The following ABCC3 variants were observed in gnomAD, a reference collection of about 807,000 sequenced individuals.
ABCC3 encodes ATP binding cassette subfamily C member 3.
A neutral mutation model predicts 165.3 loss-of-function variants in ABCC3; 121 were observed. The ratio of observed to expected loss-of-function variants is 0.73; its 90% CI spans 0.63 to 0.85. ABCC3 has a LOEUF of 0.85. Among genes scored for constraint, ABCC3 ranks in the 40% least tolerant of loss-of-function variants. The pLI is 0.00. For synonymous variants in ABCC3, 733 were observed against 810.1 expected (o/e 0.90, Z 1.62); for missense variants, 1,869 against 1,964.1 (o/e 0.95, Z 0.92).
chr17:50,683,824 G>A (rs893150074), intron 27 of ABCC3, 68 bp downstream of exon 27: 1 of 1,566,688 alleles, frequency 6.4e-7, no homozygotes, highest in Non-Finnish European at 8.6e-7. Flanking sequence ...CCCTTGTGGG[G>A]AGCTTGGGTC....
At chr17:50,635,241 A>C (rs2054168062) in intron 1 of ABCC3, 1 of 628,158 alleles carries the variant, frequency 1.6e-6, no homozygotes. Flanking sequence ...AAAGTGAGGA[A>C]GAGTGCGCGG....
In ABCC3 at chr17:50,657,121, T is replaced by C. The variant is rs1171592294; in HGVS notation, c.424T>C (p.Phe142Leu). 2 of 1,613,992 alleles carry C rather than the reference T, an allele frequency of 1.2e-6. No individual in the cohort carries two copies. Among genetic ancestry groups the C allele is most frequent in the African/African-American group, 1.3e-5 (1 of 74,898 alleles). The change falls in exon 4 of 31, where the codon TTC becomes CTC. Residue 142 changes from phenylalanine (F) to leucine (L), a missense_variant. Phe to Leu is a conservative substitution (Grantham distance 22). Transcript: ENST00000285238. ...TTCGGGGGTCCTCATTATCTTCTGG[T>C]TCCTGTGTGTGGTCTGCGCCATCGT... The part of the protein sequence containing the change: ...QSSGVLIIFW[F>L]LCVVCAIVPF...
At chr17:50,658,697 G>A (rs547426062) in intron 6 of ABCC3, among the ~76,000 whole-genome samples, 8 of 152,354 alleles carry the variant, frequency 5.3e-5, no homozygotes, top group East Asian at 3.9e-4. Flanking sequence ...GCCCAGTGCC[G>A]CCCCCAGGCT....
Position 50,691,244 on chromosome 17 carries a change from C to A in ABCC3, c.*44C>A. ...CCTCCTGGCCTTTCCTGGTTTTCAT[C>A]AGGAAGGAAATGACACCAAATATGT... On this transcript the variant is annotated 3_prime_UTR_variant, in exon 31 of 31. Transcript: ENST00000285238. 1 of 1,499,594 alleles carries A rather than the reference C, an allele frequency of 6.7e-7. No homozygotes were observed. The highest frequency in any genetic ancestry group is 1.1e-5 in the South Asian group (1 of 88,130). 92.9% of individuals were successfully genotyped at this position (1,499,594 alleles called of 1,614,324 possible).
chr17:50,687,038 G>T (rs1291443107), intron 29 of ABCC3, among the ~76,000 whole-genome samples: 2 of 152,238 alleles, frequency 1.3e-5, no homozygotes, highest in East Asian at 3.9e-4. Flanking sequence ...GTGTTCCTCT[G>T]CCCTGCCATT....
chr17:50,638,037 C>G (rs1003365012), intron 1 of ABCC3, among the ~76,000 whole-genome samples: 5 of 152,256 alleles, frequency 3.3e-5, no homozygotes, highest in African/African-American at 1.2e-4. Flanking sequence ...CCTTCTCTCT[C>G]TCACCCATAT....
chr17:50,660,883 T>C, intron 7 of ABCC3, 40 bp from the exon 8 acceptor site: 1 of 1,538,540 alleles, frequency 6.5e-7, no homozygotes, highest in Non-Finnish European at 8.8e-7. Context: ...GGAGCCCCTG[T>C]CCCCATTCCT....
chr17:50,637,877 G>A (rs1014541417), intron 1 of ABCC3, among the ~76,000 whole-genome samples: 6 of 152,208 alleles, frequency 3.9e-5, no homozygotes, highest in Non-Finnish European at 5.9e-5. Flanking sequence ...CGGGCCAGTG[G>A]CTCCCATTTC....
intron 1 of ABCC3, among the ~76,000 whole-genome samples, chr17:50,655,404 C>CAAAAAAAAA (rs58586394): frequency 5.3e-5 from 3 of 56,530 alleles, no homozygotes; most frequent in African/African-American, 7.0e-5. Context: ...GACTCTGTCT[C>CAAAAAAAAA]AAAAAAAAAA....
intron 25 of ABCC3, 117 bp downstream of exon 25, chr17:50,678,336 G>T: frequency 1.8e-6 from 2 of 1,088,100 alleles, no homozygotes; most frequent in Non-Finnish European, 2.4e-6. Flanking sequence ...CACAGGGTCT[G>T]TTCTCAAGGA....
intron 1 of ABCC3, among the ~76,000 whole-genome samples, chr17:50,638,198 C>T (rs1337170596): frequency 6.6e-6 from 1 of 152,170 alleles, no homozygotes; most frequent in Non-Finnish European, 1.5e-5. Context: ...GGATCCTCTG[C>T]CTGCAGGATT....
At position 50,635,628 on chromosome 17, in the gene ABCC3, C is replaced by G. The variant is rs764231069; in HGVS notation, c.45+647C>G. Reference sequence around the variant, plus strand: ...TGCAGGGTGTCAGGATTCCTGTAGTCCAACTCCCTTCTCACAGATGGAGAA... The same window carrying G: ...TGCAGGGTGTCAGGATTCCTGTAGTGCAACTCCCTTCTCACAGATGGAGAA... On this transcript the variant is annotated intron_variant, in intron 1 of 30. Coordinates refer to ENST00000285238, the MANE Select transcript of ABCC3 (RefSeq NM_003786.4). 1.1e-3 allele frequency: 784 copies of G among 701,638 alleles called. 4 individuals are homozygous for G. Among genetic ancestry groups the G allele is most frequent in the Non-Finnish European group, 1.7e-3 (653 of 384,336 alleles). 43.5% of individuals were successfully genotyped at this position (701,638 alleles called of 1,614,324 possible).
chr17:50,686,611 G>T (rs1011743717), intron 29 of ABCC3, among the ~76,000 whole-genome samples: 10 of 151,952 alleles, frequency 6.6e-5, no homozygotes, highest in African/African-American at 2.2e-4. Context: ...TCACCTGCTT[G>T]CTCTCAACAC....
intron 30 of ABCC3, among the ~76,000 whole-genome samples, chr17:50,690,160 G>A (rs534375323): frequency 6.6e-6 from 1 of 152,290 alleles, no homozygotes; most frequent in East Asian, 1.9e-4. Flanking sequence ...CATGCCCCAA[G>A]GCAGGAGGGT....
intron 1 of ABCC3, among the ~76,000 whole-genome samples, chr17:50,651,455 G>T (rs1268948771): frequency 6.6e-6 from 1 of 152,194 alleles, no homozygotes; most frequent in African/African-American, 2.4e-5. Flanking sequence ...GAGCGTGGTG[G>T]CTCACGCCTG....
chr17:50,673,986 C>CTTTCTTTCTTTCTTTCTT (rs1567835597), intron 19 of ABCC3, among the ~76,000 whole-genome samples: 211 of 11,318 alleles, frequency 0.019, 63 homozygotes, highest in Middle Eastern at 0.042. Flanking sequence ...CTTTCTCTCT[C>CTTTCTTTCTTTCTTTCTT]TCTCTCTCTC....
chr17:50,640,590 C>T (rs112434283), intron 1 of ABCC3, among the ~76,000 whole-genome samples: 91 of 152,350 alleles, frequency 6.0e-4, no homozygotes, highest in African/African-American at 2.1e-3. Flanking sequence ...GTGATCTCAG[C>T]TCACTGCAAC....
chr17:50,669,130 T>G lies in ABCC3; in HGVS notation c.1938-10T>G. 1 of 1,595,784 alleles carries G rather than the reference T, an allele frequency of 6.3e-7. No homozygotes were observed. Among genetic ancestry groups the G allele is most frequent in the Non-Finnish European group, 8.5e-7 (1 of 1,172,958 alleles). On this transcript the variant is annotated splice_polypyrimidine_tract_variant and intron_variant, in intron 15 of 30. Coordinates refer to ENST00000285238, the MANE Select transcript of ABCC3 (RefSeq NM_003786.4). ...GCCTCTAACTGGACTCCTGGGGTCC[T>G]TGCCCCCAGCCTAGACATCCAGGTC... is the stretch of plus-strand genomic sequence containing the variant.
chr17:50,678,237 C>T lies in ABCC3; in HGVS notation c.3705+18C>T, dbSNP rs750354484. 15 of 1,514,820 alleles carry T rather than the reference C, an allele frequency of 9.9e-6. No individual in the cohort carries two copies. Among genetic ancestry groups the T allele is most frequent in the South Asian group, 1.3e-5 (1 of 74,076 alleles). The allele number at this position is 1,514,820 out of a possible 1,614,324, so 93.8% of individuals were successfully genotyped here. A position where few individuals can be genotyped will look rare whatever the true frequency, so the allele number is the denominator to read the frequency against. On this transcript the variant is annotated intron_variant, in intron 25 of 30. Transcript: ENST00000285238. ...CCTTGCAGGTATGAAGGGCCTGGAC[C>T]CCAGGGCAGGGCCACCACTGGGACA...
Sources: allele counts gnomAD v4.1 joint callset (sites outside exome capture counted in the v4.1 genomes callset), GRCh38; gene constraint gnomAD v4.1.1; transcripts MANE v1.5; gene names NCBI Gene and HGNC (gene_info 2026-07-23, HGNC 2026-07-21).